Variants in PHF19 observed in about 807,000 individuals in gnomAD.
The protein encoded by PHF19 is polycomb like 3.
PHF19 carries 21 observed loss-of-function variants against 79.8 expected under a neutral mutation model. The observed-to-expected ratio is 0.26, with a 90% CI of 0.19 to 0.38. PHF19 has a LOEUF of 0.38. Ranked by LOEUF, PHF19 falls within the 10% of genes least tolerant of loss-of-function variation. The pLI is 1.00. For missense variants in PHF19, 445 were observed against 744.2 expected (o/e 0.60, Z 4.68); for synonymous variants, 273 against 296.3 (o/e 0.92, Z 0.81).
chr9:120,885,451 G>A lies in PHF19; in HGVS notation c.42+9337C>T, dbSNP rs117873497. On this transcript the variant is annotated intron_variant, in intron 1 of 14. Coordinates refer to the PHF19 transcript ENST00000616568. ...AAATGAGCTGGGCATGGTGATGTGCGCCTGTAATCCCAGCTACTGGGAATG... is the reference window on the plus strand; with the variant it reads ...AAATGAGCTGGGCATGGTGATGTGCACCTGTAATCCCAGCTACTGGGAATG... Among the ~76,000 whole-genome samples, 225 of 152,150 alleles carry A rather than the reference G, an allele frequency of 1.5e-3. 1 individual carries two copies. The highest frequency in any genetic ancestry group is 3.4e-3 in the Middle Eastern group (1 of 292).
intron 1 of PHF19, among the ~76,000 whole-genome samples, chr9:120,883,192 C>T (rs1337818713): frequency 6.6e-6 from 1 of 152,226 alleles, no homozygotes; most frequent in Non-Finnish European, 1.5e-5. Flanking sequence ...GTCTGCCTGC[C>T]TTCTCTGTGA....
At chr9:120,900,570 T>C in the PHF19 span, among the ~76,000 whole-genome samples, 1 of 151,826 alleles carries the variant, frequency 6.6e-6, no homozygotes, top group Non-Finnish European at 1.5e-5. Context: ...TAGTTTTTCT[T>C]TTATTTTCCT....
At chr9:120,894,655 G>A (rs2046382896) in intron 1 of PHF19, 2 of 315,324 alleles carry the variant, frequency 6.3e-6, no homozygotes, top group East Asian at 5.7e-5. Context: ...GCGAGCCAGG[G>A]CAGCCCCGCG....
At chr9:120,868,820 C>T in intron 6 of PHF19, 14 of 1,043,466 alleles carry the variant, frequency 1.3e-5, no homozygotes, top group Non-Finnish European at 1.6e-5. Context: ...CCCTGGGGCC[C>T]TGCTTGGGCG....
At position 120,856,417 on chromosome 9, in the gene PHF19, T is replaced by TC. The variant is rs2045362307; in HGVS notation, c.*1526dup. 6.6e-6 allele frequency: 1 copy of TC among 152,506 alleles called. No homozygotes were observed. Among genetic ancestry groups the TC allele is most frequent in the African/African-American group, 2.4e-5 (1 of 41,466 alleles). The allele number at this position is 152,506 out of a possible 1,614,324, so 9.4% of individuals were successfully genotyped here. A position where few individuals can be genotyped will look rare whatever the true frequency, so the allele number is the denominator to read the frequency against. On this transcript the variant is annotated 3_prime_UTR_variant, in exon 15 of 15. Coordinates refer to ENST00000373896, the MANE Select transcript of PHF19 (RefSeq NM_015651.3). ...TCTTGCTGTACTACCACCTTCGCCT[T>TC]CCTGCTGGCGGCCTGCAAAACCAGC... is the stretch of plus-strand genomic sequence containing the variant.
rs2045867703 is a variant in PHF19 at position 120,870,610 on chromosome 9, C to T, written c.269-72G>A. 3.3e-6 allele frequency: 3 copies of T among 912,402 alleles called. No homozygotes were observed. In the Middle Eastern group the frequency reaches 6.4e-4, roughly 196 times the overall value. The allele number at this position is 912,402 out of a possible 1,614,324, so 56.5% of individuals were successfully genotyped here. On this transcript the variant is annotated intron_variant, in intron 3 of 14. Coordinates refer to ENST00000373896, the MANE Select transcript of PHF19 (RefSeq NM_015651.3). This position sits in a 1 kb window ranked among gnomAD's most constrained non-coding sequence, Gnocchi z 4.4. ...AGTTTTATACTCACATTCCAGATGCCCAGCCTCTAATGTCTGCTAGGCCTA... is the reference window on the plus strand; with the variant it reads ...AGTTTTATACTCACATTCCAGATGCTCAGCCTCTAATGTCTGCTAGGCCTA...
chr9:120,884,822 G>A (rs555274282), intron 1 of PHF19, among the ~76,000 whole-genome samples: 17 of 151,916 alleles, frequency 1.1e-4, no homozygotes, highest in African/African-American at 4.1e-4. Flanking sequence ...TCCAGAGGCC[G>A]AGGCATGAGA....
At chr9:120,867,885 C>G (rs1372453005) in intron 6 of PHF19, among the ~76,000 whole-genome samples, 1 of 152,144 alleles carries the variant, frequency 6.6e-6, no homozygotes, top group Non-Finnish European at 1.5e-5. Context: ...CACAATGCCA[C>G]GTGCACTCAG....
intron 14 of PHF19, among the ~76,000 whole-genome samples, chr9:120,859,803 T>C (rs973174013): frequency 2.0e-5 from 3 of 152,132 alleles, no homozygotes; most frequent in African/African-American, 7.2e-5. Context: ...ACCCCAGAAC[T>C]GGAATCGTCC....
intron 1 of PHF19, among the ~76,000 whole-genome samples, chr9:120,887,452 T>TCAAAAA (rs1257916619): frequency 2.6e-5 from 4 of 152,094 alleles, no homozygotes; most frequent in Middle Eastern, 3.4e-3. Context: ...AAACTCCATC[T>TCAAAAA]CAAAAACAAA....
At chr9:120,859,910 C>A (rs2045468279) in intron 14 of PHF19, among the ~76,000 whole-genome samples, 180 bp downstream of exon 14, 1 of 152,198 alleles carries the variant, frequency 6.6e-6, no homozygotes, top group Non-Finnish European at 1.5e-5. Flanking sequence ...CCATCTAAAG[C>A]CCCGTGACTC....
intron 6 of PHF19, 38 bp from the exon 7 acceptor site, chr9:120,867,003 A>AC (rs1564499501): frequency 2.4e-6 from 3 of 1,232,754 alleles, no homozygotes; most frequent in South Asian, 2.4e-5. Context: ...CCAGGACCAC[A>AC]CCCCCAGTCA....
chr9:120,874,681 G>T lies in PHF19; in HGVS notation c.61C>A (p.Pro21Thr), dbSNP rs754183906. 6.2e-7 allele frequency: 1 copy of T among 1,613,736 alleles called. No individual in the cohort carries two copies. The highest frequency in any genetic ancestry group is 1.1e-5 in the South Asian group (1 of 91,074). Residue 21 changes from proline (P) to threonine (T), a missense_variant, in exon 2 of 15, where the codon CCC becomes ACC. Physicochemically the swap from Pro to Thr is conservative, Grantham distance 38. Coordinates refer to ENST00000373896, the MANE Select transcript of PHF19 (RefSeq NM_015651.3). This position sits in a 1 kb window ranked among gnomAD's most constrained non-coding sequence, Gnocchi z 4.5. ...RDSYGATSHLPNKGALAKVKN... is the reference protein window; with the variant it reads ...RDSYGATSHLTNKGALAKVKN... ...ACCTTCGCCAGGGCCCCCTTGTTGG[G>T]GAGGTGGCTGGTGGCACCATAGGAG... is the stretch of plus-strand genomic sequence containing the variant.
upstream of PHF19, chr9:120,877,442 C>A: frequency 1.3e-6 from 1 of 754,200 alleles, no homozygotes. Flanking sequence ...CCCCCGCCCG[C>A]CCCCGCCCGC....
chr9:120,879,125 CTAAA>C (rs1261083785), upstream of PHF19, among the ~76,000 whole-genome samples: 1 of 152,116 alleles, frequency 6.6e-6, no homozygotes, highest in African/African-American at 2.4e-5. Flanking sequence ...GTGTCCTCAC[CTAAA>C]TAGAGTTATT....
At chr9:120,859,717 T>C (rs2045461924) in intron 14 of PHF19, among the ~76,000 whole-genome samples, 1 of 152,166 alleles carries the variant, frequency 6.6e-6, no homozygotes, top group Admixed American at 6.5e-5. Context: ...CAGGGAACTC[T>C]GTAGTCCAAG....
At chr9:120,875,974 T>A (rs1283208958) in intron 1 of PHF19, 2 of 152,638 alleles carry the variant, frequency 1.3e-5, no homozygotes, top group African/African-American at 4.8e-5. Context: ...CTTGTGGCCA[T>A]GGCGCTGGGC....
At chr9:120,903,118 C>G in the PHF19 span, 1 of 152,222 alleles carries the variant, frequency 6.6e-6, no homozygotes, top group Non-Finnish European at 1.5e-5. Flanking sequence ...CTAGGCCAGA[C>G]CTTCATGTGT....
Position 120,874,584 on chromosome 9 carries a change from C to T in PHF19, c.158G>A (p.Gly53Asp), listed in dbSNP as rs2045993333. 1 of 1,613,132 alleles carries T rather than the reference C, an allele frequency of 6.2e-7. No homozygotes were observed. The highest frequency in any genetic ancestry group is 8.5e-7 in the Non-Finnish European group (1 of 1,179,192). ...CTTGATCTTCCCGAGGTAGTACAGG[C>T]CATCTGTCCACCGGCACAGCACATA... The part of the protein sequence containing the change: ...GQYVLCRWTD[G>D]LYYLGKIKRV... Residue 53 changes from glycine to aspartate, a missense_variant, in exon 2 of 15, where the codon GGC (glycine) becomes GAC (aspartate). Physicochemically the swap from Gly to Asp is moderately conservative, Grantham distance 94. Transcript: ENST00000373896. This position sits in a 1 kb window ranked among gnomAD's most constrained non-coding sequence, Gnocchi z 4.5.
Sources: gnomAD v4.1 joint callset for allele counts (sites outside exome capture counted in the v4.1 genomes callset) on GRCh38, gnomAD v4.1.1 for gene constraint, Gnocchi (gnomAD v3.1) non-coding constraint, MANE v1.5 for transcripts, NCBI Gene and HGNC (gene_info 2026-07-23, HGNC 2026-07-21) for gene names.